C1orf198: variants seen among roughly 807,000 people sequenced by gnomAD.
C1orf198 encodes chromosome 1 open reading frame 198.
Under a neutral mutation model 31.4 loss-of-function variants are expected in C1orf198, and 17 were observed. The observed-to-expected ratio is 0.54, with a 90% CI of 0.37 to 0.81. C1orf198 has a LOEUF of 0.81. C1orf198 is among the 40% of genes least tolerant of loss of function. The probability of loss-of-function intolerance (pLI) is 0.00; values close to 1 mark genes in which losing one functional copy is unlikely to be tolerated. For synonymous variants in C1orf198, 175 were observed against 193.8 expected (o/e 0.90, Z 0.81); for missense variants, 401 against 450.3 (o/e 0.89, Z 0.99).
chr1:230,842,980 A>G (rs11122616), intron 3 of C1orf198, among the ~76,000 whole-genome samples: 39,597 of 151,962 alleles, frequency 0.26, 6,001 homozygotes, highest in East Asian at 0.47. Flanking sequence ...GTCCTAAAGA[A>G]CAGACCATTG....
At chr1:230,842,796 G>A (rs557679962) in intron 3 of C1orf198, among the ~76,000 whole-genome samples, 7 of 151,940 alleles carry the variant, frequency 4.6e-5, no homozygotes, top group Non-Finnish European at 1.0e-4. Context: ...GAGTCTCAAG[G>A]GCCAGAGGAG....
chr1:230,842,644 A>T (rs993756841), intron 3 of C1orf198, among the ~76,000 whole-genome samples: 2 of 152,130 alleles, frequency 1.3e-5, no homozygotes, highest in South Asian at 4.1e-4. Flanking sequence ...TTCAGTGTCC[A>T]CTGCTCGGGT....
chr1:230,862,783 TGG>T (rs953445121), intron 1 of C1orf198, among the ~76,000 whole-genome samples: 2 of 152,212 alleles, frequency 1.3e-5, no homozygotes, highest in Non-Finnish European at 2.9e-5. Flanking sequence ...ATTATAGTGA[TGG>T]GTACATGTCA....
Position 230,840,741 on chromosome 1 carries a change from G to A in C1orf198, c.928-833C>T, listed in dbSNP as rs766088502. Among the ~76,000 whole-genome samples, 10 of 152,132 alleles carry A rather than the reference G, an allele frequency of 6.6e-5. No homozygotes were observed. Among genetic ancestry groups the A allele is most frequent in the African/African-American group, 1.7e-4 (7 of 41,428 alleles). ...TTGACTCTCCACCCTCCAAGCAGCC[G>A]GCCAGCAGAAAATGCATACATGGCG... On this transcript the variant is annotated intron_variant, in intron 3 of 3. Transcript: ENST00000366663. The surrounding 1 kb of genome is among the most constrained non-coding windows in gnomAD (Gnocchi z 4.0).
At chr1:230,853,330 T>C (rs1054502366) in intron 2 of C1orf198, among the ~76,000 whole-genome samples, 2 of 152,044 alleles carry the variant, frequency 1.3e-5, no homozygotes, top group African/African-American at 2.4e-5. Flanking sequence ...AATTGGAGAT[T>C]AGGGGGTCCT....
At chr1:230,862,516 A>G (rs982872836) in intron 1 of C1orf198, among the ~76,000 whole-genome samples, 4 of 152,224 alleles carry the variant, frequency 2.6e-5, no homozygotes, top group African/African-American at 4.8e-5. Context: ...CAGACAATGG[A>G]ACATTATTTA....
At chr1:230,841,284 A>G (rs1669433768) in intron 3 of C1orf198, among the ~76,000 whole-genome samples, 1 of 152,224 alleles carries the variant, frequency 6.6e-6, no homozygotes, top group Non-Finnish European at 1.5e-5. Flanking sequence ...GACAGGCTAG[A>G]GCACTGATGT....
rs149385698 is a variant in C1orf198 at position 230,845,605 on chromosome 1, C to T, written c.385-1709G>A. On this transcript the variant is annotated intron_variant, in intron 2 of 3. Coordinates refer to ENST00000366663, the MANE Select transcript of C1orf198 (RefSeq NM_032800.3). Reference sequence around the variant, plus strand: ...GGCTGAGGCAGGAGAATCGCTTGAACCCGGGAAGTGGAGGTTGCGGTGAGC... The same window carrying T: ...GGCTGAGGCAGGAGAATCGCTTGAATCCGGGAAGTGGAGGTTGCGGTGAGC... 2.7e-3 allele frequency among the ~76,000 whole-genome samples: 415 copies of T among 151,936 alleles called. 10 individuals are homozygous for T. In the East Asian group the frequency reaches 0.064, roughly 23 times the overall value.
chr1:230,855,021 G>T (rs934378388), intron 2 of C1orf198, among the ~76,000 whole-genome samples: 3 of 152,108 alleles, frequency 2.0e-5, no homozygotes, highest in African/African-American at 7.2e-5. Flanking sequence ...GAAAATCTTG[G>T]TCTTTTATTT....
chr1:230,842,817 G>A (rs1669479613), intron 3 of C1orf198, among the ~76,000 whole-genome samples: 1 of 152,142 alleles, frequency 6.6e-6, no homozygotes, highest in African/African-American at 2.4e-5. Context: ...GATGGGTGAG[G>A]CTACCATGGA....
intron 1 of C1orf198, among the ~76,000 whole-genome samples, chr1:230,865,733 A>T (rs1378137795): frequency 6.6e-6 from 1 of 152,218 alleles, no homozygotes; most frequent in East Asian, 1.9e-4. Context: ...CCCTGACCAC[A>T]TTCAAAACCA....
intron 1 of C1orf198, among the ~76,000 whole-genome samples, chr1:230,860,404 C>T (rs759628110): frequency 1.3e-5 from 2 of 152,176 alleles, no homozygotes; most frequent in South Asian, 2.1e-4. Context: ...GATCCTTATA[C>T]CCCGATGTTT....
intron 1 of C1orf198, among the ~76,000 whole-genome samples, chr1:230,860,267 T>C (rs1307859640): frequency 1.3e-5 from 2 of 152,202 alleles, no homozygotes; most frequent in African/African-American, 4.8e-5. Flanking sequence ...GGTGGGAATG[T>C]AAATGATGCA....
Position 230,839,456 on chromosome 1 carries a change from G to A in C1orf198, c.*396C>T, listed in dbSNP as rs560868652. The A allele has an allele frequency of 1.5e-4, 30 of 204,798 alleles. No homozygotes were observed. Among genetic ancestry groups the A allele is most frequent in the East Asian group, 5.3e-4 (3 of 5,656 alleles). The allele number at this position is 204,798 out of a possible 1,614,324, so 12.7% of individuals were successfully genotyped here. A position where few individuals can be genotyped will look rare whatever the true frequency, so the allele number is the denominator to read the frequency against. On this transcript the variant is annotated 3_prime_UTR_variant, in exon 4 of 4. Transcript: ENST00000366663. The stretch of plus-strand genomic sequence containing the variant: ...ATCACCCACCAAAAGGAACCCATAC[G>A]GTAAAAAGCGGAGGGGGGAGGGGGA...
At chr1:230,859,241 A>G (rs1669949427) in intron 1 of C1orf198, among the ~76,000 whole-genome samples, 1 of 152,094 alleles carries the variant, frequency 6.6e-6, no homozygotes, top group African/African-American at 2.4e-5. Context: ...CACGCATACA[A>G]TGCTGTCCTT....
At chr1:230,859,406 A>T (rs78805221) in intron 1 of C1orf198, among the ~76,000 whole-genome samples, 3,670 of 152,252 alleles carry the variant, frequency 0.024, 64 homozygotes, top group South Asian at 0.043. Context: ...GTCAAAACAC[A>T]TCTGTTACTT....
chr1:230,865,094 C>A (rs1465424858), intron 1 of C1orf198, among the ~76,000 whole-genome samples: 2 of 152,174 alleles, frequency 1.3e-5, no homozygotes, highest in African/African-American at 4.8e-5. Flanking sequence ...GTGCACGGCC[C>A]CAGTGTCTGG....
rs1467786521 is a variant in C1orf198 at position 230,843,148 on chromosome 1, C to T, written c.927+206G>A. Reference sequence around the variant, plus strand: ...CTGACTGGTAAACAAATTAGGGCACCCAGATGGACTCGCAAAACTTGTCTT... The same window carrying T: ...CTGACTGGTAAACAAATTAGGGCACTCAGATGGACTCGCAAAACTTGTCTT... On this transcript the variant is annotated intron_variant, in intron 3 of 3. Transcript: ENST00000366663. The surrounding 1 kb of genome is among the most constrained non-coding windows in gnomAD (Gnocchi z 4.9). 6.6e-6 allele frequency among the ~76,000 whole-genome samples: 1 copy of T among 152,198 alleles called. No homozygotes were observed. Among genetic ancestry groups the T allele is most frequent in the East Asian group, 1.9e-4 (1 of 5,184 alleles).
rs115775073 is a variant in C1orf198, at chr1:230,868,435, C to T, written c.78G>A (p.Glu26=). Residue 26 remains glutamate (E), a synonymous_variant, in exon 1 of 4, where the codon GAG becomes GAA. Transcript: ENST00000366663. The part of the protein sequence containing the change: ...MSGNRPLDDR[E]RKRFTYFSSL... The stretch of plus-strand genomic sequence containing the variant: ...ACGAGAAGTAAGTGAAGCGCTTTCG[C>T]TCCCGGTCGTCCAGAGGCCGGTTCC... 1,930 of 1,581,318 alleles carry T rather than the reference C, an allele frequency of 1.2e-3. 28 individuals carry two copies. The African/African-American group carries it at 0.024, about 19-fold the overall frequency.
Sources: gnomAD v4.1 joint callset for allele counts (sites outside exome capture counted in the v4.1 genomes callset) on GRCh38, gnomAD v4.1.1 for gene constraint, Gnocchi (gnomAD v3.1) non-coding constraint, MANE v1.5 for transcripts, NCBI Gene and HGNC (gene_info 2026-07-23, HGNC 2026-07-21) for gene names.